The following GBE1 variants were observed in gnomAD, a reference collection of about 807,000 sequenced individuals.
GBE1 encodes the protein 1,4-alpha-glucan-branching enzyme.
Under a neutral mutation model 88.8 loss-of-function variants are expected in GBE1, and 70 were observed. The observed-to-expected ratio is 0.79, with a 90% CI of 0.65 to 0.96. The LOEUF (loss-of-function observed/expected upper bound fraction) is 0.96. Ranked by LOEUF, GBE1 falls within the 40% of genes least tolerant of loss-of-function variation. GBE1 has a pLI of 0.00. For missense variants in GBE1, 872 were observed against 871.0 expected, an observed-to-expected ratio of 1.00 and a Z score of -0.01; for synonymous variants, 284 against 300.1, an observed-to-expected ratio of 0.95 and a Z score of 0.56.
Position 81,615,950 on chromosome 3 carries a change from A to G in GBE1, c.993-21927T>C, listed in dbSNP as rs148372180. Among the ~76,000 whole-genome samples the G allele has an allele frequency of 8.7e-3, 1,329 of 152,188 alleles. 11 individuals are homozygous for G. Among genetic ancestry groups the G allele is most frequent in the Non-Finnish European group, 0.014 (926 of 67,978 alleles). On this transcript the variant is annotated intron_variant, in intron 7 of 15. Transcript: ENST00000429644. ...AGCATTTGGTGTAGTTACTATTTTA[A>G]TTTTAGCAGTCTGATAGATATGTAG...
intron 8 of GBE1, among the ~76,000 whole-genome samples, chr3:81,592,853 A>G (rs1015767629): frequency 1.3e-5 from 2 of 152,098 alleles, no homozygotes; most frequent in African/African-American, 2.4e-5. Flanking sequence ...TGGAAAATGG[A>G]TATCAATAAA....
At chr3:81,619,523 T>C (rs372523351) in intron 7 of GBE1, among the ~76,000 whole-genome samples, 2 of 152,170 alleles carry the variant, frequency 1.3e-5, no homozygotes, top group South Asian at 4.1e-4. Flanking sequence ...CATTTTAATA[T>C]AAATTGTTTA....
chr3:81,648,805 G>A, intron 5 of GBE1, 51 bp downstream of exon 5: 2 of 1,134,410 alleles, frequency 1.8e-6, no homozygotes, highest in Non-Finnish European at 2.4e-6. Flanking sequence ...TCTAATAAGA[G>A]AACAGACTCA....
intron 1 of GBE1, among the ~76,000 whole-genome samples, chr3:81,725,958 T>C (rs1312531183): frequency 1.3e-5 from 2 of 152,154 alleles, no homozygotes; most frequent in African/African-American, 4.8e-5. Flanking sequence ...TTGATGATGC[T>C]CTCTTGGCTT....
intron 12 of GBE1, among the ~76,000 whole-genome samples, chr3:81,576,142 T>C (rs576175273): frequency 1.3e-5 from 2 of 151,970 alleles, no homozygotes; most frequent in South Asian, 2.1e-4. Flanking sequence ...TGAGTATTCA[T>C]GGCAGCTTAA....
intron 1 of GBE1, among the ~76,000 whole-genome samples, chr3:81,754,316 C>CA (rs1048636858): frequency 6.6e-6 from 1 of 151,356 alleles, no homozygotes; most frequent in African/African-American, 2.4e-5. Flanking sequence ...AAGAGGACAC[C>CA]AAAAAATGGG....
intron 7 of GBE1, among the ~76,000 whole-genome samples, chr3:81,610,826 CACTGACAA>C (rs1254907566): frequency 6.6e-6 from 1 of 152,118 alleles, no homozygotes; most frequent in Non-Finnish European, 1.5e-5. Context: ...GGATTGTGAG[CACTGACAA>C]GTTCCCAATT....
rs147083739 is a variant in GBE1, at chr3:81,525,947, G to A, written c.1934+9248C>T. Among the ~76,000 whole-genome samples, 641 of 151,798 alleles carry A rather than the reference G, an allele frequency of 4.2e-3. 6 individuals carry two copies. Among genetic ancestry groups the A allele is most frequent in the Middle Eastern group, 0.024 (7 of 294 alleles). On this transcript the variant is annotated intron_variant, in intron 14 of 15. Transcript: ENST00000429644. ...TTTCTTCTTTATTAGTCTTCCTAGC[G>A]GTCTATCAATTTTGTTGATCTTTTC...
intron 3 of GBE1, among the ~76,000 whole-genome samples, chr3:81,670,439 C>A (rs989367707): frequency 1.3e-5 from 2 of 152,134 alleles, no homozygotes; most frequent in Non-Finnish European, 2.9e-5. Flanking sequence ...ACACAGCATC[C>A]CCTCCCACAT....
chr3:81,539,325 A>C (rs991776275), intron 12 of GBE1, among the ~76,000 whole-genome samples: 20 of 152,020 alleles, frequency 1.3e-4, no homozygotes, highest in Non-Finnish European at 2.8e-4. Flanking sequence ...CAGAGTGAGA[A>C]AGTGAGATGT....
rs550951315 is a variant in GBE1, at chr3:81,699,452, T to A, written c.313+5992A>T. On this transcript the variant is annotated intron_variant, in intron 2 of 15. Coordinates refer to ENST00000429644, the MANE Select transcript of GBE1 (RefSeq NM_000158.4). ...TTCATGAGCCTTATATTAGTCAGGG[T>A]TCTCTTAGAGGGACAGAACTAATAG... Among the ~76,000 whole-genome samples the A allele has an allele frequency of 5.3e-5, 8 of 152,236 alleles. No homozygotes were observed. The South Asian group carries it at 1.7e-3, about 32-fold the overall frequency.
intron 1 of GBE1, among the ~76,000 whole-genome samples, chr3:81,711,796 T>C (rs1009110274): frequency 3.3e-5 from 5 of 152,082 alleles, no homozygotes; most frequent in Non-Finnish European, 7.4e-5. Flanking sequence ...GAAGCCGAAA[T>C]CGACAAATGG....
At chr3:81,576,460 T>C (rs533542263) in intron 12 of GBE1, among the ~76,000 whole-genome samples, 16 of 152,312 alleles carry the variant, frequency 1.1e-4, no homozygotes, top group African/African-American at 3.8e-4. Context: ...TCTCACTAGG[T>C]CCTCAGTTTC....
chr3:81,746,587 A>G (rs1344320272), intron 1 of GBE1, among the ~76,000 whole-genome samples: 1 of 152,202 alleles, frequency 6.6e-6, no homozygotes, highest in Non-Finnish European at 1.5e-5. Context: ...AAAAATAAAA[A>G]ATCAAATTAA....
At chr3:81,548,089 G>T (rs891333525) in intron 12 of GBE1, among the ~76,000 whole-genome samples, 2 of 151,390 alleles carry the variant, frequency 1.3e-5, no homozygotes, top group Non-Finnish European at 3.0e-5. Context: ...TTTCTGGTTT[G>T]ATATCAGTGT....
intron 7 of GBE1, among the ~76,000 whole-genome samples, chr3:81,599,387 T>G (rs747248103): frequency 6.6e-6 from 1 of 151,844 alleles, no homozygotes; most frequent in Non-Finnish European, 1.5e-5. Flanking sequence ...AGGCTATTAG[T>G]CGGATAGGAT....
chr3:81,541,839 G>A (rs973781271), intron 12 of GBE1, among the ~76,000 whole-genome samples: 7 of 151,974 alleles, frequency 4.6e-5, no homozygotes, highest in African/African-American at 1.7e-4. Context: ...CAATTAAATA[G>A]GTAAGGCATG....
rs1192383191 is a variant in GBE1 at position 81,702,117 on chromosome 3, G to A, written c.313+3327C>T. Among the ~76,000 whole-genome samples the A allele has an allele frequency of 3.1e-4, 21 of 66,976 alleles. 1 individual carries two copies. Among genetic ancestry groups the A allele is most frequent in the African/African-American group, 1.9e-3 (21 of 11,070 alleles). The allele number at this position is 66,976 out of a possible 152,430, so 43.9% of individuals were successfully genotyped here. Reference sequence around the variant, plus strand: ...AGAGAGAGAGAGTGTGTGTGTGTGTGTGTGTGTGTGTGTGTGTGTGTGTGT... The same window carrying A: ...AGAGAGAGAGAGTGTGTGTGTGTGTATGTGTGTGTGTGTGTGTGTGTGTGT... On this transcript the variant is annotated intron_variant, in intron 2 of 15. Transcript: ENST00000429644.
At chr3:81,498,198 T>C (rs1036363837) in intron 15 of GBE1, among the ~76,000 whole-genome samples, 8 of 152,140 alleles carry the variant, frequency 5.3e-5, no homozygotes, top group Admixed American at 5.2e-4. Flanking sequence ...TTATATATAA[T>C]ATGGCAGCTT....
Sources: gnomAD v4.1 joint callset for allele counts (sites outside exome capture counted in the v4.1 genomes callset) on GRCh38, gnomAD v4.1.1 for gene constraint, MANE v1.5 for transcripts, NCBI Gene and HGNC (gene_info 2026-07-23, HGNC 2026-07-21) for gene names.